WDR70: variants seen among roughly 807,000 people sequenced by gnomAD.
WDR70 encodes the protein WD repeat domain 70, also known as WD repeat-containing protein 70.
A neutral mutation model predicts 88.6 loss-of-function variants in WDR70; 53 were observed. The ratio of observed to expected loss-of-function variants is 0.60; its 90% CI spans 0.48 to 0.75. WDR70 has a LOEUF of 0.75. WDR70 is among the 30% of genes least tolerant of loss of function. The pLI is 0.00. For missense variants in WDR70, 610 were observed against 823.2 expected (o/e 0.74, Z 3.17); for synonymous variants, 280 against 270.0 (o/e 1.04, Z -0.36).
intron 9 of WDR70, among the ~76,000 whole-genome samples, chr5:37,587,313 G>A (rs1453555069): frequency 6.6e-6 from 1 of 151,746 alleles, no homozygotes; most frequent in Non-Finnish European, 1.5e-5. Context: ...TGCCCACTGT[G>A]TACTTCATCC....
chr5:37,661,772 G>T (rs1274515005), intron 10 of WDR70, among the ~76,000 whole-genome samples: 1 of 152,060 alleles, frequency 6.6e-6, no homozygotes, highest in African/African-American at 2.4e-5. Context: ...TCAAGTGCAG[G>T]GTCTGCAAAA....
At chr5:37,631,391 C>T (rs1049695667) in intron 10 of WDR70, among the ~76,000 whole-genome samples, 1 of 152,138 alleles carries the variant, frequency 6.6e-6, no homozygotes, top group African/African-American at 2.4e-5. Flanking sequence ...CTCCTTCTCG[C>T]TGCTATTTAC....
chr5:37,582,082 C>G (rs1743234686), intron 9 of WDR70, among the ~76,000 whole-genome samples: 1 of 145,416 alleles, frequency 6.9e-6, no homozygotes, highest in African/African-American at 2.4e-5. Context: ...TACTTAGTTA[C>G]AGTTTTTATT....
chr5:37,599,387 T>C (rs1158072304), intron 9 of WDR70, among the ~76,000 whole-genome samples: 1 of 152,194 alleles, frequency 6.6e-6, no homozygotes, highest in African/African-American at 2.4e-5. Flanking sequence ...CTCTGGAACA[T>C]ACTCAGAATA....
At chr5:37,519,262 C>T (rs1581358827) in intron 9 of WDR70, among the ~76,000 whole-genome samples, 1 of 152,172 alleles carries the variant, frequency 6.6e-6, no homozygotes, top group Admixed American at 6.5e-5. Flanking sequence ...TCCCCACTTC[C>T]CAGACGGGGT....
At chr5:37,560,355 T>C (rs747626811) in intron 9 of WDR70, among the ~76,000 whole-genome samples, 1 of 152,190 alleles carries the variant, frequency 6.6e-6, no homozygotes, top group Non-Finnish European at 1.5e-5. Flanking sequence ...TGTTGGTCCA[T>C]ATGTTTTCTC....
chr5:37,521,703 T>TACACAC (rs59206188), intron 9 of WDR70, among the ~76,000 whole-genome samples: 4,168 of 145,280 alleles, frequency 0.029, 85 homozygotes, highest in South Asian at 0.067. Flanking sequence ...AGTCCAAGTA[T>TACACAC]ACACACACAC....
chr5:37,526,433 C>T (rs994609421), intron 9 of WDR70, among the ~76,000 whole-genome samples: 1 of 152,132 alleles, frequency 6.6e-6, no homozygotes, highest in African/African-American at 2.4e-5. Flanking sequence ...AATTCAATAG[C>T]CCTTCATGCT....
At chr5:37,692,377 A>C (rs537546522) in intron 10 of WDR70, among the ~76,000 whole-genome samples, 1 of 152,234 alleles carries the variant, frequency 6.6e-6, no homozygotes, top group African/African-American at 2.4e-5. Flanking sequence ...TGAGGCCAGC[A>C]TCATCCTAAT....
Position 37,516,602 on chromosome 5 carries a change from T to G in WDR70, c.917+12T>G. 2 of 1,570,624 alleles carry G rather than the reference T, an allele frequency of 1.3e-6. No homozygotes were observed. Among genetic ancestry groups the G allele is most frequent in the East Asian group, 2.2e-5 (1 of 44,552 alleles). On this transcript the variant is annotated intron_variant, in intron 9 of 17. Transcript: ENST00000265107. ...TGCTCAAATGATGCGTGAGTATTGTTGATAATTCATCTAATACATTCATAT... is the reference window on the plus strand; with the variant it reads ...TGCTCAAATGATGCGTGAGTATTGTGGATAATTCATCTAATACATTCATAT...
chr5:37,610,265 C>CA (rs869283967), intron 10 of WDR70, among the ~76,000 whole-genome samples: 6,367 of 78,916 alleles, frequency 0.081, 216 homozygotes, highest in Middle Eastern at 0.26. Flanking sequence ...GACTCCGTCT[C>CA]AAAAAAAAAA....
At position 37,584,922 on chromosome 5, in the gene WDR70, A is replaced by G. The variant is rs959938650; in HGVS notation, c.918-20142A>G. On this transcript the variant is annotated intron_variant, in intron 9 of 17. Coordinates refer to ENST00000265107, the MANE Select transcript of WDR70 (RefSeq NM_018034.4). ...CTCTGCTTTGCTTCTGTCAGAAGGTAGTAACGTGGCATTACTTCTTAACAT... is the reference window on the plus strand; with the variant it reads ...CTCTGCTTTGCTTCTGTCAGAAGGTGGTAACGTGGCATTACTTCTTAACAT... Among the ~76,000 whole-genome samples the G allele has an allele frequency of 2.6e-5, 4 of 150,966 alleles. No individual in the cohort carries two copies. In the East Asian group the frequency reaches 7.8e-4, roughly 29 times the overall value.
chr5:37,423,345 A>G (rs1383650995), intron 5 of WDR70, among the ~76,000 whole-genome samples: 1 of 150,482 alleles, frequency 6.6e-6, no homozygotes, highest in East Asian at 1.9e-4. Flanking sequence ...CATGGCCAGT[A>G]TAATAAACAA....
chr5:37,380,440 G>T (rs1748391244), intron 2 of WDR70, among the ~76,000 whole-genome samples: 1 of 151,770 alleles, frequency 6.6e-6, no homozygotes, highest in South Asian at 2.1e-4. Context: ...CCGGATTCAC[G>T]CCATTCTCCG....
intron 14 of WDR70, 192 bp downstream of exon 14, chr5:37,721,407 C>T: frequency 1.7e-6 from 1 of 580,352 alleles, no homozygotes; most frequent in South Asian, 2.3e-5. Context: ...GCCCTTGATC[C>T]ACACTGAATT....
chr5:37,596,274 A>G (rs1037987392), intron 9 of WDR70, among the ~76,000 whole-genome samples: 1 of 152,194 alleles, frequency 6.6e-6, no homozygotes, highest in African/African-American at 2.4e-5. Context: ...CCTAGTGAAG[A>G]GCAAGGGGAC....
rs1745549746 is a variant in WDR70, at chr5:37,656,163, G to C, written c.1093-41492G>C. Among the ~76,000 whole-genome samples the C allele has an allele frequency of 3.9e-5, 6 of 152,004 alleles. No homozygotes were observed. In the South Asian group the frequency reaches 1.2e-3, roughly 32 times the overall value. On this transcript the variant is annotated intron_variant, in intron 10 of 17. Transcript: ENST00000265107. ...TTTTGTTGATGTTGATGCTCTTCCT[G>C]TCTGTTTGTTAGTTTTCCTTTGAAT... is the stretch of plus-strand genomic sequence containing the variant.
chr5:37,560,252 C>G (rs1581393498), intron 9 of WDR70, among the ~76,000 whole-genome samples: 1 of 152,062 alleles, frequency 6.6e-6, no homozygotes, highest in East Asian at 1.9e-4. Flanking sequence ...TTTGGAGAAG[C>G]AGATCAGGGC....
intron 9 of WDR70, among the ~76,000 whole-genome samples, chr5:37,540,616 G>A (rs888083995): frequency 3.9e-5 from 6 of 152,146 alleles, no homozygotes; most frequent in Admixed American, 1.3e-4. Flanking sequence ...TCTTGACCTC[G>A]TGATCCACCC....
Sources: gnomAD v4.1 joint callset for allele counts (sites outside exome capture counted in the v4.1 genomes callset) on GRCh38, gnomAD v4.1.1 for gene constraint, MANE v1.5 for transcripts, NCBI Gene and HGNC (gene_info 2026-07-23, HGNC 2026-07-21) for gene names.